The following SLC39A11 variants were observed in gnomAD, a reference collection of about 807,000 sequenced individuals.
The protein encoded by SLC39A11 is solute carrier family 39 member 11.
A neutral mutation model predicts 36.1 loss-of-function variants in SLC39A11; 33 were observed. The observed-to-expected ratio is 0.91, with a 90% CI of 0.69 to 1.22. The LOEUF (loss-of-function observed/expected upper bound fraction) is 1.22, where lower values mean the gene tolerates loss of function less well. SLC39A11 is among the 50% of genes most tolerant of loss of function. The pLI is 0.00. For synonymous variants in SLC39A11, 166 were observed against 170.3 expected, an observed-to-expected ratio of 0.97 and a Z score of 0.20; for missense variants, 432 against 430.3, an observed-to-expected ratio of 1.00 and a Z score of -0.03.
intron 6 of SLC39A11, among the ~76,000 whole-genome samples, chr17:72,803,340 ACT>A (rs1337593781): frequency 6.6e-6 from 1 of 152,130 alleles, no homozygotes; most frequent in Non-Finnish European, 1.5e-5. Flanking sequence ...CCAAAGGCAG[ACT>A]CTGCCGGCTG....
At chr17:72,782,332 T>C (rs1270922836) in intron 6 of SLC39A11, among the ~76,000 whole-genome samples, 1 of 152,132 alleles carries the variant, frequency 6.6e-6, no homozygotes, top group Non-Finnish European at 1.5e-5. Flanking sequence ...GCAGGCAGCT[T>C]GCTCCGGGGT....
At position 73,024,560 on chromosome 17, in the gene SLC39A11, G is replaced by A. The variant is rs534127366; in HGVS notation, c.306+6996C>T. Among the ~76,000 whole-genome samples, 7 of 152,252 alleles carry A rather than the reference G, an allele frequency of 4.6e-5. No homozygotes were observed. The South Asian group carries it at 1.0e-3, about 23-fold the overall frequency. The stretch of plus-strand genomic sequence containing the variant: ...AATGCTAAAGATGAAGGAAATCTAC[G>A]AAGGAGAAATAAATACATGCAAACA... On this transcript the variant is annotated intron_variant, in intron 4 of 9. Transcript: ENST00000255559.
intron 7 of SLC39A11, among the ~76,000 whole-genome samples, chr17:72,682,387 T>TA (rs1232850009): frequency 6.9e-6 from 1 of 145,916 alleles, no homozygotes. Context: ...ATAATACATA[T>TA]AAAAAATATG....
chr17:72,784,866 T>C (rs1440354393), intron 6 of SLC39A11, among the ~76,000 whole-genome samples: 24 of 150,972 alleles, frequency 1.6e-4, no homozygotes, highest in African/African-American at 3.2e-4. Context: ...TCTTCTTTTT[T>C]TTTTTTTTTT....
chr17:73,067,617 A>G (rs2060034567), intron 3 of SLC39A11, among the ~76,000 whole-genome samples: 1 of 152,134 alleles, frequency 6.6e-6, no homozygotes, highest in Non-Finnish European at 1.5e-5. Context: ...GATCTGCAGC[A>G]ATAATAGTAA....
intron 6 of SLC39A11, among the ~76,000 whole-genome samples, chr17:72,814,644 G>C (rs2077527474): frequency 6.6e-6 from 1 of 152,224 alleles, no homozygotes; most frequent in Non-Finnish European, 1.5e-5. Flanking sequence ...TTTAGAAGGT[G>C]ACTAGGTACA....
At chr17:72,894,018 T>A (rs972445709) in intron 5 of SLC39A11, among the ~76,000 whole-genome samples, 1 of 152,130 alleles carries the variant, frequency 6.6e-6, no homozygotes, top group Non-Finnish European at 1.5e-5. Flanking sequence ...GATCAGTATG[T>A]AAACTGATAA....
intron 6 of SLC39A11, among the ~76,000 whole-genome samples, chr17:72,765,358 C>G (rs997069333): frequency 6.6e-6 from 1 of 152,190 alleles, no homozygotes; most frequent in African/African-American, 2.4e-5. Flanking sequence ...TCAGCAGCAC[C>G]CATTCCCTTG....
intron 4 of SLC39A11, among the ~76,000 whole-genome samples, chr17:72,954,597 C>T (rs183017378): frequency 4.5e-4 from 68 of 152,330 alleles, no homozygotes; most frequent in African/African-American, 1.5e-3. Flanking sequence ...CACAAGGCAA[C>T]GTTCAATAAT....
chr17:72,980,716 G>A (rs1353627398), intron 4 of SLC39A11, among the ~76,000 whole-genome samples: 1 of 152,108 alleles, frequency 6.6e-6, no homozygotes. Flanking sequence ...GATTAAAGCG[G>A]CACCATATAA....
At chr17:72,714,903 T>C (rs534427008) in intron 7 of SLC39A11, among the ~76,000 whole-genome samples, 29 of 152,332 alleles carry the variant, frequency 1.9e-4, no homozygotes, top group African/African-American at 7.0e-4. Context: ...GGTTCATTTG[T>C]TTAAACAGCA....
At position 72,973,242 on chromosome 17, in the gene SLC39A11, G is replaced by T. The variant is rs564884616; in HGVS notation, c.307-25367C>A. ...AACCCTACTGCAGCGACTTACACAG[G>T]AAAGGTTTATTTGTCTGGGTCAGCA... On this transcript the variant is annotated intron_variant, in intron 4 of 9. Transcript: ENST00000255559. Among the ~76,000 whole-genome samples the T allele has an allele frequency of 2.6e-5, 4 of 152,056 alleles. No individual in the cohort carries two copies. In the South Asian group the frequency reaches 8.3e-4, roughly 32 times the overall value.
intron 6 of SLC39A11, among the ~76,000 whole-genome samples, chr17:72,754,792 G>A (rs1037261322): frequency 2.0e-5 from 3 of 152,244 alleles, no homozygotes; most frequent in African/African-American, 7.2e-5. Context: ...GTGTGCAGGT[G>A]TGGTTTCAGA....
Position 73,083,482 on chromosome 17 carries a change from G to C in SLC39A11, c.147+1326C>G, listed in dbSNP as rs2060617971. ...GAAACCAAACCCTGATCAACTAAAAGGGAAACCCACATATTACACGCCTTT... is the reference window on the plus strand; with the variant it reads ...GAAACCAAACCCTGATCAACTAAAACGGAAACCCACATATTACACGCCTTT... On this transcript the variant is annotated intron_variant, in intron 3 of 9. Transcript: ENST00000255559. Among the ~76,000 whole-genome samples, 6 of 152,244 alleles carry C rather than the reference G, an allele frequency of 3.9e-5. No homozygotes were observed. In the South Asian group the frequency reaches 1.2e-3, roughly 32 times the overall value.
At chr17:72,842,200 G>A (rs1480386106) in intron 6 of SLC39A11, among the ~76,000 whole-genome samples, 1 of 151,976 alleles carries the variant, frequency 6.6e-6, no homozygotes, top group East Asian at 1.9e-4. Flanking sequence ...ACACAAACAG[G>A]TAATTGTAAG....
intron 2 of SLC39A11, among the ~76,000 whole-genome samples, chr17:73,085,589 C>G (rs1362256338): frequency 2.7e-5 from 4 of 148,124 alleles, no homozygotes; most frequent in Non-Finnish European, 5.9e-5. Flanking sequence ...TTGCAGTGAG[C>G]CAAGATCATG....
At chr17:72,783,418 C>T (rs2076393683) in intron 6 of SLC39A11, among the ~76,000 whole-genome samples, 1 of 152,226 alleles carries the variant, frequency 6.6e-6, no homozygotes, top group Non-Finnish European at 1.5e-5. Context: ...CAGCCAGGAC[C>T]TCCCTTCTGA....
chr17:72,842,732 C>A (rs10459891), intron 6 of SLC39A11, among the ~76,000 whole-genome samples: 65,494 of 151,902 alleles, frequency 0.43, 14,444 homozygotes, highest in East Asian at 0.67. Context: ...CACAAACACC[C>A]TAGACCACCC....
intron 6 of SLC39A11, among the ~76,000 whole-genome samples, chr17:72,784,264 G>A (rs1262374850): frequency 6.6e-6 from 1 of 152,138 alleles, no homozygotes; most frequent in Non-Finnish European, 1.5e-5. Flanking sequence ...AGTCTTGCTT[G>A]AACCCGGGAG....
Sources: allele counts gnomAD v4.1 joint callset (sites outside exome capture counted in the v4.1 genomes callset), GRCh38; gene constraint gnomAD v4.1.1; transcripts MANE v1.5; gene names NCBI Gene and HGNC (gene_info 2026-07-23, HGNC 2026-07-21).